The following TGFBRAP1 variants were observed in gnomAD, a reference collection of about 807,000 sequenced individuals.
TGFBRAP1 encodes transforming growth factor-beta receptor-associated protein 1.
In TGFBRAP1, 20 loss-of-function variants were observed where a neutral mutation model predicts 83.2. That is an observed-to-expected ratio of 0.24 (90% CI 0.17 to 0.35). TGFBRAP1 has a LOEUF of 0.35. TGFBRAP1 is among the 10% of genes least tolerant of loss of function. The probability of loss-of-function intolerance (pLI) is 1.00; values close to 1 mark genes in which losing one functional copy is unlikely to be tolerated. For missense variants in TGFBRAP1, 950 were observed against 1,099.4 expected (o/e 0.86, Z 1.92); for synonymous variants, 415 against 459.8 (o/e 0.90, Z 1.25).
chr2:105,262,100 CAGA>C (rs978077217), downstream of TGFBRAP1, among the ~76,000 whole-genome samples: 6 of 152,252 alleles, frequency 3.9e-5, no homozygotes, highest in African/African-American at 1.4e-4. Flanking sequence ...TTGCTTGGAA[CAGA>C]AGGTTAACAC....
At chr2:105,280,885 G>A (rs1677515593) in intron 5 of TGFBRAP1, among the ~76,000 whole-genome samples, 162 bp from the exon 6 acceptor site, 1 of 152,168 alleles carries the variant, frequency 6.6e-6, no homozygotes, top group African/African-American at 2.4e-5. Flanking sequence ...AATCTGAAGT[G>A]CAGCAAAGCA....
intron 2 of TGFBRAP1, 134 bp from the exon 3 acceptor site, chr2:105,298,839 A>G: frequency 1.3e-6 from 1 of 763,272 alleles, no homozygotes; most frequent in Non-Finnish European, 2.0e-6. Flanking sequence ...CAAGGAAGGA[A>G]AAACAATATA....
In TGFBRAP1 at chr2:105,298,694, T is replaced by C. The variant is rs1294847098; in HGVS notation, c.700A>G (p.Thr234Ala). 2 of 1,574,346 alleles carry C rather than the reference T, an allele frequency of 1.3e-6. No individual in the cohort carries two copies. The highest frequency in any genetic ancestry group is 1.7e-6 in the Non-Finnish European group (2 of 1,156,034). ...AGPGGLGMFA[T>A]VAGISQRAPV... ...GCGCGCTGGGATATCCCTGCGACTGTGGCAAACATGCCTAGAAGTAAGAAG... is the reference window on the plus strand; with the variant it reads ...GCGCGCTGGGATATCCCTGCGACTGCGGCAAACATGCCTAGAAGTAAGAAG... The change falls in exon 3 of 12, where the codon ACA (threonine) becomes GCA (alanine). Residue 234 changes from threonine (T) to alanine (A), a missense_variant. Thr to Ala is a moderately conservative substitution (Grantham distance 58, BLOSUM62 0). Transcript: ENST00000393359.
chr2:105,269,613 C>G lies in TGFBRAP1; in HGVS notation c.2065G>C (p.Glu689Gln). The change falls in exon 11 of 12, where the codon GAG (glutamate) becomes CAG (glutamine). Residue 689 changes from glutamate (E) to glutamine (Q), a missense_variant. Physicochemically the swap from Glu to Gln is conservative, Grantham distance 29 (BLOSUM62 2). Transcript: ENST00000393359. The surrounding 1 kb of genome is among the most constrained non-coding windows in gnomAD (Gnocchi z 4.1). ...TCGGCCGCTGCAAAGTCCTGCAGCT[C>G]GTGCACCAGGATATGCAGCGCCTTC... Reference protein sequence around the residue: ...HEKALHILVHELQDFAAAEDY... With the variant: ...HEKALHILVHQLQDFAAAEDY... The G allele has an allele frequency of 6.2e-7, 1 of 1,607,802 alleles. No individual in the cohort carries two copies. The highest frequency in any genetic ancestry group is 1.1e-5 in the South Asian group (1 of 90,668).
In TGFBRAP1 at chr2:105,329,432, C is replaced by A. The variant is rs537179911; in HGVS notation, c.-18+193G>T. ...CCAAGTCGCACACCCGCACACCTGC[C>A]CCCAAGTGTATAGCCACTTGCTCCC... On this transcript the variant is annotated intron_variant, in intron 1 of 11. Transcript: ENST00000393359. Among the ~76,000 whole-genome samples, 20 of 151,556 alleles carry A rather than the reference C, an allele frequency of 1.3e-4. 1 individual carries two copies. In the South Asian group the frequency reaches 3.6e-3, roughly 27 times the overall value.
intron 5 of TGFBRAP1, among the ~76,000 whole-genome samples, chr2:105,282,188 T>G (rs764575490): frequency 1.3e-5 from 2 of 152,188 alleles, no homozygotes; most frequent in African/African-American, 4.8e-5. Context: ...AGAATGGGCA[T>G]GCCAGAGAAG....
intron 7 of TGFBRAP1, 122 bp from the exon 8 acceptor site, chr2:105,275,825 A>G: frequency 4.0e-6 from 4 of 995,082 alleles, no homozygotes; most frequent in Non-Finnish European, 1.4e-6. Flanking sequence ...ATACCTTTTA[A>G]AGTAGTTGGA....
chr2:105,263,281 T>C (rs530962451), downstream of TGFBRAP1, among the ~76,000 whole-genome samples: 1 of 152,322 alleles, frequency 6.6e-6, no homozygotes, highest in African/African-American at 2.4e-5. Flanking sequence ...GAAAAGAATA[T>C]TGCACCTGCT....
rs1401863119 is a variant in TGFBRAP1 at position 105,308,105 on chromosome 2, G to A, written c.197C>T (p.Thr66Ile). Reference protein sequence around the residue: ...VPAGPATFTATKQLQRHLGFK... With the variant: ...VPAGPATFTAIKQLQRHLGFK... ...GCCCAAGTGTCTCTGCAGCTGTTTGGTGGCAGTGAACGTGGCTGGCCCAGC... is the reference window on the plus strand; with the variant it reads ...GCCCAAGTGTCTCTGCAGCTGTTTGATGGCAGTGAACGTGGCTGGCCCAGC... Residue 66 changes from threonine to isoleucine, a missense_variant, in exon 2 of 12, where the codon ACC becomes ATC. Physicochemically the swap from Thr to Ile is moderately conservative, Grantham distance 89. Coordinates refer to ENST00000393359, the MANE Select transcript of TGFBRAP1 (RefSeq NM_004257.6). 4 of 1,614,036 alleles carry A rather than the reference G, an allele frequency of 2.5e-6. No homozygotes were observed. In the African/African-American group the frequency reaches 4.0e-5, roughly 16 times the overall value.
At chr2:105,263,705 C>A (rs1676840401), downstream of TGFBRAP1, among the ~76,000 whole-genome samples, 1 of 152,102 alleles carries the variant, frequency 6.6e-6, no homozygotes, top group Admixed American at 6.5e-5. Context: ...TGGTGAAACT[C>A]TGTCTCTATT....
intron 4 of TGFBRAP1, among the ~76,000 whole-genome samples, chr2:105,289,183 T>G (rs536885820): frequency 1.3e-5 from 2 of 149,612 alleles, no homozygotes; most frequent in South Asian, 4.4e-4. Context: ...AGAGCACACA[T>G]AAGCAAAATT....
chr2:105,319,814 G>A (rs1454857767), intron 1 of TGFBRAP1, among the ~76,000 whole-genome samples: 1 of 149,460 alleles, frequency 6.7e-6, no homozygotes, highest in Non-Finnish European at 1.5e-5. Flanking sequence ...GTATATATGT[G>A]TTTAATGCAT....
Position 105,275,274 on chromosome 2 carries a change from G to T in TGFBRAP1, c.1665+286C>A, listed in dbSNP as rs187051527. On this transcript the variant is annotated intron_variant, in intron 8 of 11. Transcript: ENST00000393359. ...GTTCACAGACACAAGTTCTTAAGAAGATGCTAAAAATGCAAGCTGGCTATG... is the reference window on the plus strand; with the variant it reads ...GTTCACAGACACAAGTTCTTAAGAATATGCTAAAAATGCAAGCTGGCTATG... 6.6e-5 allele frequency among the ~76,000 whole-genome samples: 10 copies of T among 152,360 alleles called. No individual in the cohort carries two copies. In the East Asian group the frequency reaches 1.9e-3, roughly 29 times the overall value.
downstream of TGFBRAP1, among the ~76,000 whole-genome samples, chr2:105,261,155 G>A (rs1676778551): frequency 6.6e-6 from 1 of 152,216 alleles, no homozygotes; most frequent in African/African-American, 2.4e-5. Flanking sequence ...GCTGGCTGCA[G>A]AGGCGGGAGT....
chr2:105,263,563 C>T (rs1395141972), downstream of TGFBRAP1, among the ~76,000 whole-genome samples: 1 of 151,850 alleles, frequency 6.6e-6, no homozygotes, highest in Non-Finnish European at 1.5e-5. Flanking sequence ...CACCCCAATC[C>T]ACTGAAATGA....
chr2:105,307,617 GC>G lies in TGFBRAP1; in HGVS notation c.684del (p.Leu229TrpfsTer22). On this transcript the variant is annotated frameshift_variant, in exon 2 of 12. Coordinates refer to ENST00000393359, the MANE Select transcript of TGFBRAP1 (RefSeq NM_004257.6). LOFTEE classifies it high-confidence loss of function. ...RQEFLLAGPG[G>X]LGMFATVAGI... Reference sequence around the variant, plus strand: ...CGCACAAATGCATCCTCCTCACCCAGCCCTCCGGGGCCCGCCAGCAGGAACT... The same window carrying G: ...CGCACAAATGCATCCTCCTCACCCAGCCTCCGGGGCCCGCCAGCAGGAACT... 6.2e-7 allele frequency: 1 copy of G among 1,607,110 alleles called. No individual in the cohort carries two copies. The highest frequency in any genetic ancestry group is 8.5e-7 in the Non-Finnish European group (1 of 1,176,984).
intron 7 of TGFBRAP1, 43 bp downstream of exon 7, chr2:105,277,571 T>C (rs763348879): frequency 1.9e-6 from 3 of 1,600,670 alleles, no homozygotes; most frequent in South Asian, 1.1e-5. Flanking sequence ...ATTACTTACA[T>C]GGTGCTGATT....
chr2:105,323,145 A>G (rs908289633), intron 1 of TGFBRAP1, among the ~76,000 whole-genome samples: 72 of 152,114 alleles, frequency 4.7e-4, no homozygotes, highest in African/African-American at 1.7e-3. Context: ...AGTTTAAGAG[A>G]GAAAGACTCA....
At chr2:105,326,545 C>T (rs1679230943) in intron 1 of TGFBRAP1, among the ~76,000 whole-genome samples, 1 of 152,148 alleles carries the variant, frequency 6.6e-6, no homozygotes, top group African/African-American at 2.4e-5. Flanking sequence ...TGGTGAAACT[C>T]TGTCTCTATA....
Sources: gnomAD v4.1 joint callset for allele counts (sites outside exome capture counted in the v4.1 genomes callset) on GRCh38, gnomAD v4.1.1 for gene constraint, Gnocchi (gnomAD v3.1) non-coding constraint, MANE v1.5 for transcripts, NCBI Gene and HGNC (gene_info 2026-07-23, HGNC 2026-07-21) for gene names.